ZNF227: variants seen among roughly 807,000 people sequenced by gnomAD.
ZNF227 encodes zinc finger protein 227.
ZNF227 carries 12 observed loss-of-function variants against 13.2 expected under a neutral mutation model. That is an observed-to-expected ratio of 0.91 (90% CI 0.58 to 1.47). The LOEUF (loss-of-function observed/expected upper bound fraction) is 1.47. Among genes scored for constraint, ZNF227 ranks in the 40% most tolerant of loss-of-function variants. The pLI is 0.00. For missense variants in ZNF227, 885 were observed against 967.5 expected, an observed-to-expected ratio of 0.91 and a Z score of 1.13; for synonymous variants, 338 against 326.0, an observed-to-expected ratio of 1.04 and a Z score of -0.40.
At position 44,234,886 on chromosome 19, in the gene ZNF227, T is replaced by C; in HGVS notation, c.456T>C (p.Asn152=). 6.2e-7 allele frequency: 1 copy of C among 1,613,274 alleles called. No individual in the cohort carries two copies. The highest frequency in any genetic ancestry group is 1.1e-5 in the South Asian group (1 of 90,722). Residue 152 remains asparagine, a synonymous_variant, in exon 6 of 6, where the codon AAT becomes AAC. Coordinates refer to ENST00000313040, the MANE Select transcript of ZNF227 (RefSeq NM_182490.3). ...DSIQVSENEN[N]IMNPKGDSSI... is the part of the protein sequence containing the mutation. ...TTCAGGTTTCTGAAAATGAGAACAA[T>C]ATAATGAACCCTAAAGGAGATAGCT... is the stretch of plus-strand genomic sequence containing the variant.
At chr19:44,217,410 A>G (rs1286977327) in intron 2 of ZNF227, 4 of 477,904 alleles carry the variant, frequency 8.4e-6, no homozygotes, top group East Asian at 6.3e-5. Context: ...CCATATCCTC[A>G]TTGTACACAT....
At position 44,237,114 on chromosome 19, in the gene ZNF227, G is replaced by C. The variant is rs1302914578; in HGVS notation, c.*284G>C. ...TATGCCTGAAGATAATGTGTGGAAG[G>C]ATATTTGCCATATGCTAACTGGTTT... On this transcript the variant is annotated 3_prime_UTR_variant, in exon 6 of 6. Transcript: ENST00000313040. The C allele has an allele frequency of 3.5e-6, 1 of 285,446 alleles. No individual in the cohort carries two copies. Among genetic ancestry groups the C allele is most frequent in the Non-Finnish European group, 6.5e-6 (1 of 153,958 alleles). 17.7% of individuals were successfully genotyped at this position (285,446 alleles called of 1,614,324 possible). A position where few individuals can be genotyped will look rare whatever the true frequency, so the allele number is the denominator to read the frequency against.
chr19:44,236,425 T>C lies in ZNF227; in HGVS notation c.1995T>C (p.Cys665=). Residue 665 remains cysteine, a synonymous_variant, in exon 6 of 6, where the codon TGT becomes TGC. Transcript: ENST00000313040. The part of the protein sequence containing the change: ...TGEKPYKCDV[C]GKGFRYSSQF... ...AAAAGCCATACAAATGTGATGTGTG[T>C]GGAAAGGGCTTTAGATACAGTTCGC... 6.2e-7 allele frequency: 1 copy of C among 1,613,734 alleles called. No individual in the cohort carries two copies. The highest frequency in any genetic ancestry group is 8.5e-7 in the Non-Finnish European group (1 of 1,179,970).
In ZNF227 at chr19:44,235,436, A is replaced by C. The variant is rs1974349031; in HGVS notation, c.1006A>C (p.Ser336Arg). The change falls in exon 6 of 6, where the codon AGC becomes CGC. Residue 336 changes from serine (S) to arginine (R), a missense_variant. Transcript: ENST00000313040. ...CDSCGKGFSS[S>R]TGLIIHYRTH... is the part of the protein sequence containing the mutation. The stretch of plus-strand genomic sequence containing the variant: ...CAGTTGCGGCAAGGGATTCAGTAGC[A>C]GCACGGGTCTTATCATTCATTACAG... The C allele has an allele frequency of 6.2e-7, 1 of 1,614,158 alleles. No homozygotes were observed.
chr19:44,230,926 A>AT (rs1315206035), intron 5 of ZNF227, among the ~76,000 whole-genome samples: 273 of 68,004 alleles, frequency 4.0e-3, no homozygotes, highest in Non-Finnish European at 5.1e-3. Context: ...AAAAAAAAAA[A>AT]ATATATATAT....
At chr19:44,215,449 G>A (rs1434801132) in intron 2 of ZNF227, among the ~76,000 whole-genome samples, 1 of 130,638 alleles carries the variant, frequency 7.7e-6, no homozygotes, top group Non-Finnish European at 1.7e-5. Flanking sequence ...GAATATATAT[G>A]TATAATTTTT....
intron 5 of ZNF227, among the ~76,000 whole-genome samples, chr19:44,230,672 T>G (rs1973684213): frequency 1.3e-5 from 2 of 151,998 alleles, no homozygotes; most frequent in Non-Finnish European, 2.9e-5. Context: ...TTTACCATTT[T>G]AATTTAAAAT....
chr19:44,232,181 T>G (rs1266904430), intron 5 of ZNF227, among the ~76,000 whole-genome samples: 1 of 152,240 alleles, frequency 6.6e-6, no homozygotes, highest in Admixed American at 6.5e-5. Context: ...AAATTGGGTT[T>G]CCAGTGTAAT....
intron 5 of ZNF227, among the ~76,000 whole-genome samples, chr19:44,234,144 A>G (rs1341929881): frequency 1.3e-5 from 2 of 152,182 alleles, no homozygotes; most frequent in East Asian, 3.9e-4. Flanking sequence ...TCTCCTAGTT[A>G]TACAAGATTA....
chr19:44,219,414 T>G (rs1568596614), intron 3 of ZNF227, among the ~76,000 whole-genome samples: 1 of 152,162 alleles, frequency 6.6e-6, no homozygotes, highest in Non-Finnish European at 1.5e-5. Context: ...GGTAAAGGTC[T>G]AATAGCTTAA....
chr19:44,235,279 T>A lies in ZNF227; in HGVS notation c.849T>A (p.His283Gln). The A allele has an allele frequency of 6.2e-7, 1 of 1,614,116 alleles. No homozygotes were observed. Among genetic ancestry groups the A allele is most frequent in the Non-Finnish European group, 8.5e-7 (1 of 1,180,010 alleles). ...TGEKCFSQSS[H>Q]LRTHQRIHPG... Reference sequence around the variant, plus strand: ...AAAAATGCTTCAGTCAAAGCTCACATCTGCGAACTCATCAGAGAATTCACC... The same window carrying A: ...AAAAATGCTTCAGTCAAAGCTCACAACTGCGAACTCATCAGAGAATTCACC... The change falls in exon 6 of 6, where the codon CAT becomes CAA. Residue 283 changes from histidine to glutamine, a missense_variant. Coordinates refer to ENST00000313040, the MANE Select transcript of ZNF227 (RefSeq NM_182490.3).
upstream of ZNF227, among the ~76,000 whole-genome samples, chr19:44,211,201 TAACAAC>T (rs72041965): frequency 1.1e-4 from 16 of 148,146 alleles, no homozygotes; most frequent in South Asian, 4.2e-4. Flanking sequence ...AAACTCTGTC[TAACAAC>T]AACAACAACA....
intron 3 of ZNF227, among the ~76,000 whole-genome samples, chr19:44,224,309 A>T (rs1477669086): frequency 6.6e-6 from 1 of 152,126 alleles, no homozygotes; most frequent in Non-Finnish European, 1.5e-5. Context: ...GCTGAGTTCA[A>T]TTCCTGGGTA....
intron 3 of ZNF227, among the ~76,000 whole-genome samples, chr19:44,220,518 A>G (rs565492163): frequency 2.2e-4 from 34 of 152,102 alleles, no homozygotes; most frequent in African/African-American, 7.0e-4. Context: ...CGATCACAGT[A>G]TCCACATCTA....
chr19:44,235,935 G>T lies in ZNF227; in HGVS notation c.1505G>T (p.Ser502Ile). Residue 502 changes from serine to isoleucine, a missense_variant, in exon 6 of 6, where the codon AGT becomes ATT. Physicochemically the swap from Ser to Ile is moderately radical, Grantham distance 142. Transcript: ENST00000313040. ...YKCKECGKGF[S>I]QASNLQVHQN... ...TGTAAGGAGTGTGGTAAGGGCTTCA[G>T]TCAGGCTTCAAATCTTCAAGTCCAT... 1 of 1,614,130 alleles carries T rather than the reference G, an allele frequency of 6.2e-7. No individual in the cohort carries two copies. Among genetic ancestry groups the T allele is most frequent in the Non-Finnish European group, 8.5e-7 (1 of 1,180,026 alleles).
At chr19:44,209,815 T>TGGCA (rs540790188), upstream of ZNF227, among the ~76,000 whole-genome samples, 364 of 152,318 alleles carry the variant, frequency 2.4e-3, 3 homozygotes, top group Middle Eastern at 0.01. Context: ...TTCGATTTCC[T>TGGCA]GACCTCGTGA....
chr19:44,213,756 G>A (rs1006320199), intron 2 of ZNF227: 1 of 152,148 alleles, frequency 6.6e-6, no homozygotes, highest in African/African-American at 2.4e-5. Context: ...TGGGAATGTA[G>A]GTATGGATTT....
chr19:44,228,390 C>G, intron 3 of ZNF227, 56 bp from the exon 4 acceptor site: 2 of 1,568,070 alleles, frequency 1.3e-6, no homozygotes, highest in South Asian at 1.2e-5. Context: ...TGATGCCACC[C>G]TTCTTCTAGT....
At chr19:44,213,385 A>C (rs934268889) in intron 2 of ZNF227, 141 bp downstream of exon 2, 1 of 152,230 alleles carries the variant, frequency 6.6e-6, no homozygotes, top group African/African-American at 2.4e-5. Flanking sequence ...AACTACTTGG[A>C]AATGAGTATT....
Sources: gnomAD v4.1 joint callset for allele counts (sites outside exome capture counted in the v4.1 genomes callset) on GRCh38, gnomAD v4.1.1 for gene constraint, MANE v1.5 for transcripts, NCBI Gene and HGNC (gene_info 2026-07-23, HGNC 2026-07-21) for gene names.